Variants in FAM171A1 observed in about 807,000 individuals in gnomAD.
The protein encoded by FAM171A1 is family with sequence similarity 171 member A1.
Under a neutral mutation model 74.9 loss-of-function variants are expected in FAM171A1, and 23 were observed. The ratio of observed to expected loss-of-function variants is 0.31; its 90% CI spans 0.22 to 0.44. The LOEUF is 0.44. Ranked by LOEUF, FAM171A1 falls within the 20% of genes least tolerant of loss-of-function variation. The probability of loss-of-function intolerance (pLI) is 1.00; values close to 1 mark genes in which losing one functional copy is unlikely to be tolerated. For missense variants in FAM171A1, 1,162 were observed against 1,159.2 expected (o/e 1.00, Z -0.03); for synonymous variants, 527 against 505.7 (o/e 1.04, Z -0.57).
chr10:15,304,549 C>A (rs1046090220), intron 1 of FAM171A1, among the ~76,000 whole-genome samples: 24 of 152,140 alleles, frequency 1.6e-4, no homozygotes, highest in Non-Finnish European at 2.9e-5. Context: ...CGGCCGCATA[C>A]CCTGCCTTGT....
intron 5 of FAM171A1, among the ~76,000 whole-genome samples, chr10:15,247,859 C>T (rs532311289): frequency 2.7e-4 from 41 of 152,276 alleles, no homozygotes; most frequent in African/African-American, 8.7e-4. Context: ...GAGGGTCCCA[C>T]GTGGTAAGGA....
At position 15,283,959 on chromosome 10, in the gene FAM171A1, G is replaced by C; in HGVS notation, c.244C>G (p.Leu82Val). ...GCGGTGACAATCAACTGACTGCCCA[G>C]CTTATACTGGAACTTGATAAAGGCG... ...GVAFIKFQYKLGSQLIVTASK... is the reference protein window; with the variant it reads ...GVAFIKFQYKVGSQLIVTASK... Residue 82 changes from leucine to valine, a missense_variant, in exon 2 of 8, where the codon CTG (leucine) becomes GTG (valine). By Grantham distance (32) the Leu-to-Val change is conservative (BLOSUM62 1). Coordinates refer to ENST00000378116, the MANE Select transcript of FAM171A1 (RefSeq NM_001010924.2). 2 of 1,614,188 alleles carry C rather than the reference G, an allele frequency of 1.2e-6. 1 individual carries two copies. Among genetic ancestry groups the C allele is most frequent in the South Asian group, 2.2e-5 (2 of 91,080 alleles).
At chr10:15,291,201 G>A (rs1835098437) in intron 1 of FAM171A1, among the ~76,000 whole-genome samples, 1 of 152,054 alleles carries the variant, frequency 6.6e-6, no homozygotes, top group South Asian at 2.1e-4. Context: ...TCAAGAATAG[G>A]GGCTTATTTT....
chr10:15,237,818 C>G (rs1025251597), intron 5 of FAM171A1, among the ~76,000 whole-genome samples: 3 of 152,082 alleles, frequency 2.0e-5, no homozygotes, highest in African/African-American at 7.2e-5. Flanking sequence ...CCCATTCACC[C>G]CTAAGAGTGA....
chr10:15,257,652 G>A (rs1034527032), intron 3 of FAM171A1, among the ~76,000 whole-genome samples: 6 of 152,040 alleles, frequency 3.9e-5, no homozygotes, highest in South Asian at 2.1e-4. Flanking sequence ...GGATATGGCC[G>A]GTGCAGCTTA....
chr10:15,328,243 C>T (rs919361156), intron 1 of FAM171A1, among the ~76,000 whole-genome samples: 1 of 152,180 alleles, frequency 6.6e-6, no homozygotes, highest in Non-Finnish European at 1.5e-5. Context: ...CTCCTGGGTT[C>T]AAGAGATTCT....
Position 15,369,213 on chromosome 10 carries a change from A to AATATATATATATATATATATTGAAT in FAM171A1, c.97+1742_97+1743insATTCAATATATATATATATATATAT, listed in dbSNP as rs1554758716. On this transcript the variant is annotated intron_variant, in intron 1 of 7. Coordinates refer to ENST00000378116, the MANE Select transcript of FAM171A1 (RefSeq NM_001010924.2). ...ACCTAAACCTGTTATATATATATTG[A>AATATATATATATATATATATTGAAT]ATATATATATATATATATATTGAAG... 1.1e-3 allele frequency among the ~76,000 whole-genome samples: 157 copies of AATATATATATATATATATATTGAAT among 145,768 alleles called. 1 individual carries two copies. The highest frequency in any genetic ancestry group is 1.5e-3 in the Non-Finnish European group (101 of 66,348).
At chr10:15,274,762 C>G (rs1350183350) in intron 3 of FAM171A1, among the ~76,000 whole-genome samples, 1 of 152,140 alleles carries the variant, frequency 6.6e-6, no homozygotes, top group Non-Finnish European at 1.5e-5. Flanking sequence ...CTTTGACAAA[C>G]TTGACAAAAA....
chr10:15,220,820 T>G, intron 6 of FAM171A1, 124 bp downstream of exon 6: 1 of 736,276 alleles, frequency 1.4e-6, no homozygotes, highest in Non-Finnish European at 2.3e-6. Context: ...TTTTCAGACT[T>G]TTAACCATTT....
chr10:15,260,677 A>G (rs970517576), intron 3 of FAM171A1, among the ~76,000 whole-genome samples: 1 of 152,154 alleles, frequency 6.6e-6, no homozygotes, highest in African/African-American at 2.4e-5. Flanking sequence ...GCAACTCACT[A>G]TGTTCCAGTA....
chr10:15,279,436 G>A (rs996494907), intron 2 of FAM171A1, among the ~76,000 whole-genome samples: 4 of 152,166 alleles, frequency 2.6e-5, no homozygotes, highest in Non-Finnish European at 4.4e-5. Context: ...GCAGAGAGAC[G>A]GAGATCCGTG....
chr10:15,267,601 CAAAAAAAAAAAAAA>C (rs71390026), intron 3 of FAM171A1, among the ~76,000 whole-genome samples: 4 of 53,346 alleles, frequency 7.5e-5, no homozygotes, highest in Admixed American at 3.4e-4. Flanking sequence ...GACACCATCG[CAAAAAAAAAAAAAA>C]AAAAAAAAAA....
chr10:15,366,674 C>G (rs1295650572), intron 1 of FAM171A1, among the ~76,000 whole-genome samples: 7 of 152,198 alleles, frequency 4.6e-5, no homozygotes, highest in African/African-American at 1.7e-4. Flanking sequence ...ACTCCTCTCT[C>G]TAGATCTCTG....
At chr10:15,242,721 G>T (rs760641480) in intron 5 of FAM171A1, among the ~76,000 whole-genome samples, 22 of 152,112 alleles carry the variant, frequency 1.4e-4, no homozygotes, top group Non-Finnish European at 3.1e-4. Flanking sequence ...AGCTTGGGAG[G>T]TCGAGGCTGC....
At chr10:15,273,579 G>A (rs1231785406) in intron 3 of FAM171A1, among the ~76,000 whole-genome samples, 2 of 152,106 alleles carry the variant, frequency 1.3e-5, no homozygotes, top group East Asian at 3.9e-4. Flanking sequence ...GCCTGGCAGA[G>A]ACACAACAAC....
At chr10:15,263,966 C>T (rs931724824) in intron 3 of FAM171A1, among the ~76,000 whole-genome samples, 1 of 151,886 alleles carries the variant, frequency 6.6e-6, no homozygotes, top group Non-Finnish European at 1.5e-5. Flanking sequence ...CATCTACCTA[C>T]CTACCTACCA....
chr10:15,274,029 G>A (rs1164523968), intron 3 of FAM171A1, among the ~76,000 whole-genome samples: 1 of 152,148 alleles, frequency 6.6e-6, no homozygotes, highest in East Asian at 1.9e-4. Flanking sequence ...TGGAAGTTCT[G>A]GCCAGGGCAA....
intron 1 of FAM171A1, among the ~76,000 whole-genome samples, chr10:15,325,471 G>A (rs755131600): frequency 1.3e-5 from 2 of 152,120 alleles, no homozygotes; most frequent in Non-Finnish European, 2.9e-5. Context: ...TGGAGCCACC[G>A]TACTCCAGCT....
intron 2 of FAM171A1, among the ~76,000 whole-genome samples, chr10:15,277,379 A>C (rs918474510): frequency 1.6e-4 from 25 of 152,066 alleles, no homozygotes; most frequent in African/African-American, 5.8e-4. Flanking sequence ...CACCATGCCC[A>C]GCTAATGTTT....
Sources: allele counts gnomAD v4.1 joint callset (sites outside exome capture counted in the v4.1 genomes callset), GRCh38; gene constraint gnomAD v4.1.1; transcripts MANE v1.5; gene names NCBI Gene and HGNC (gene_info 2026-07-23, HGNC 2026-07-21).